Variants in ARAP1 observed in about 807,000 individuals in gnomAD.
The protein encoded by ARAP1 is arf-GAP with Rho-GAP domain, ANK repeat and PH domain-containing protein 1.
ARAP1 carries 76 observed loss-of-function variants against 172.2 expected under a neutral mutation model. The observed-to-expected ratio is 0.44, with a 90% CI of 0.37 to 0.53. The LOEUF (loss-of-function observed/expected upper bound fraction) is 0.53, where lower values mean the gene tolerates loss of function less well. ARAP1 is among the 20% of genes least tolerant of loss of function. The probability of loss-of-function intolerance (pLI) is 0.00; values close to 1 mark genes in which losing one functional copy is unlikely to be tolerated. For synonymous variants in ARAP1, 804 were observed against 803.3 expected (o/e 1.00, Z -0.01); for missense variants, 1,686 against 1,977.5 (o/e 0.85, Z 2.80).
At chr11:72,698,921 G>A (rs955904996) in intron 18 of ARAP1, 84 bp downstream of exon 18, 4 of 1,381,758 alleles carry the variant, frequency 2.9e-6, no homozygotes, top group Non-Finnish European at 4.1e-6. Flanking sequence ...CTAGACGGGG[G>A]AGCTGGGATA....
Position 72,726,574 on chromosome 11 carries a change from G to A in ARAP1, c.509+46C>T, listed in dbSNP as rs1022830643. 1.6e-5 allele frequency: 24 copies of A among 1,455,504 alleles called. No homozygotes were observed. Among genetic ancestry groups the A allele is most frequent in the Middle Eastern group, 5.0e-4 (2 of 3,974 alleles). 90.2% of individuals were successfully genotyped at this position (1,455,504 alleles called of 1,614,324 possible). On this transcript the variant is annotated intron_variant, in intron 3 of 34. Transcript: ENST00000393609. This position sits in a 1 kb window ranked among gnomAD's most constrained non-coding sequence, Gnocchi z 6.5. ...CCACAAACTCCCCATCTACCCTCTGGGATCCTCTGCCTGTGCGCCTCCCAC... is the reference window on the plus strand; with the variant it reads ...CCACAAACTCCCCATCTACCCTCTGAGATCCTCTGCCTGTGCGCCTCCCAC...
chr11:72,705,688 G>T (rs728847), intron 13 of ARAP1, 117 bp downstream of exon 13: 350,493 of 1,080,956 alleles, frequency 0.32, 59,130 homozygotes, highest in Non-Finnish European at 0.34. Flanking sequence ...TATCACAAAG[G>T]GTCTCTTCCA....
intron 12 of ARAP1, among the ~76,000 whole-genome samples, chr11:72,706,514 G>A (rs555358899): frequency 1.3e-4 from 20 of 152,326 alleles, no homozygotes; most frequent in African/African-American, 3.4e-4. Flanking sequence ...GAGTGGCCTC[G>A]ATTGAGCAGA....
At position 72,705,904 on chromosome 11, in the gene ARAP1, G is replaced by C. The variant is rs780634081; in HGVS notation, c.1724-14C>G. 1 of 1,613,214 alleles carries C rather than the reference G, an allele frequency of 6.2e-7. No individual in the cohort carries two copies. The highest frequency in any genetic ancestry group is 8.5e-7 in the Non-Finnish European group (1 of 1,179,608). ...CACGGTGCTCCCCTGTAGACACAGG[G>C]CCAGACCCAGAATCACCTGGGCCCC... On this transcript the variant is annotated splice_polypyrimidine_tract_variant and intron_variant, in intron 12 of 34. Transcript: ENST00000393609.
chr11:72,717,911 G>T lies in ARAP1; in HGVS notation c.510-3590C>A, dbSNP rs897919801. 5.3e-5 allele frequency among the ~76,000 whole-genome samples: 8 copies of T among 152,296 alleles called. No individual in the cohort carries two copies. In the East Asian group the frequency reaches 1.5e-3, roughly 29 times the overall value. ...AAATGAGGCCATGCCAGGGTCCCAG[G>T]GCTCCTCTGAGGCCAGCCTCCTCCC... On this transcript the variant is annotated intron_variant, in intron 3 of 34. Transcript: ENST00000393609.
chr11:72,712,753 A>C, intron 5 of ARAP1, 185 bp from the exon 6 acceptor site: 1 of 977,274 alleles, frequency 1.0e-6, no homozygotes, highest in Non-Finnish European at 1.5e-6. Flanking sequence ...TCACAGGGAC[A>C]GGAGAGCCAG....
intron 33 of ARAP1, 63 bp downstream of exon 33, chr11:72,687,376 C>T: frequency 1.3e-6 from 2 of 1,595,260 alleles, no homozygotes; most frequent in Non-Finnish European, 1.7e-6. Context: ...AGCCAATGTC[C>T]CCATTCTCCA....
Position 72,695,552 on chromosome 11 carries a change from C to A in ARAP1, c.3497G>T (p.Ser1166Ile), listed in dbSNP as rs1856149668. Residue 1166 changes from serine (S) to isoleucine (I), a missense_variant, in exon 25 of 35, where the codon AGT becomes ATT. By Grantham distance (142) the Ser-to-Ile change is moderately radical (BLOSUM62 -2). Around this residue, in one of 5 missense-constraint regions of ARAP1, gnomAD observed 379 missense variants for 500.1 expected, o/e 0.76. Coordinates refer to ENST00000393609, the MANE Select transcript of ARAP1 (RefSeq NM_001040118.3). The surrounding 1 kb of genome is among the most constrained non-coding windows in gnomAD (Gnocchi z 4.4). ...IVKMRVAGTA[S>I]GTQHAGDFIC... Reference sequence around the variant, plus strand: ...GGCTCCAGCCTTCACCTGGGTCCCACTGGCAGTGCCAGCCACGCGCATCTT... The same window carrying A: ...GGCTCCAGCCTTCACCTGGGTCCCAATGGCAGTGCCAGCCACGCGCATCTT... 1 of 1,613,996 alleles carries A rather than the reference C, an allele frequency of 6.2e-7. No individual in the cohort carries two copies.
intron 1 of ARAP1, among the ~76,000 whole-genome samples, chr11:72,737,959 A>T (rs1858082313): frequency 6.6e-6 from 1 of 152,188 alleles, no homozygotes; most frequent in South Asian, 2.1e-4. Flanking sequence ...AAGGCCTGTG[A>T]TTCTTCTCTA....
rs1856001311 is a variant in ARAP1 at position 72,692,861 on chromosome 11, G to A, written c.3955-76C>T. 1.9e-6 allele frequency: 3 copies of A among 1,585,220 alleles called. No individual in the cohort carries two copies. In the Admixed American group the frequency reaches 5.0e-5, roughly 27 times the overall value. On this transcript the variant is annotated intron_variant, in intron 29 of 34. Transcript: ENST00000393609. ...GGACAGCATGTGCAGTGATGTGTGG[G>A]GTTGGGGTGTGTGTATGGCATGTAT...
At chr11:72,711,839 GC>G (rs1857026714) in intron 7 of ARAP1, among the ~76,000 whole-genome samples, 1 of 151,962 alleles carries the variant, frequency 6.6e-6, no homozygotes, top group Non-Finnish European at 1.5e-5. Flanking sequence ...AAAACTACAG[GC>G]ATGAGCCACT....
At position 72,695,261 on chromosome 11, in the gene ARAP1, C is replaced by G. The variant is rs917884104; in HGVS notation, c.3576+126G>C. 1.4e-6 allele frequency: 2 copies of G among 1,382,470 alleles called. No homozygotes were observed. Among genetic ancestry groups the G allele is most frequent in the East Asian group, 4.6e-5 (2 of 43,160 alleles). 85.6% of individuals were successfully genotyped at this position (1,382,470 alleles called of 1,614,324 possible). A position where few individuals can be genotyped will look rare whatever the true frequency, so the allele number is the denominator to read the frequency against. On this transcript the variant is annotated intron_variant, in intron 26 of 34. Transcript: ENST00000393609. The surrounding 1 kb of genome is among the most constrained non-coding windows in gnomAD (Gnocchi z 4.4). ...GGTCCTTAGGAGCAGACCCCAGCAC[C>G]AGCCAGATACAGGTCCCAAACTGGT...
intron 4 of ARAP1, among the ~76,000 whole-genome samples, chr11:72,713,715 C>G (rs929225454): frequency 6.6e-6 from 1 of 151,898 alleles, no homozygotes; most frequent in East Asian, 1.9e-4. Flanking sequence ...GGTATGGTGG[C>G]GGGCGCCTGT....
rs1856009979 is a variant in ARAP1, at chr11:72,693,091, G to A, written c.3954+234C>T. The A allele has an allele frequency of 6.1e-6, 4 of 658,624 alleles. No homozygotes were observed. Among genetic ancestry groups the A allele is most frequent in the South Asian group, 1.9e-5 (1 of 52,202 alleles). The allele number at this position is 658,624 out of a possible 1,614,324, so 40.8% of individuals were successfully genotyped here. A position where few individuals can be genotyped will look rare whatever the true frequency, so the allele number is the denominator to read the frequency against. On this transcript the variant is annotated intron_variant, in intron 29 of 34. Transcript: ENST00000393609. The surrounding 1 kb of genome is among the most constrained non-coding windows in gnomAD (Gnocchi z 4.6). ...CACAGTGAGACAGAGCATGGGCATG[G>A]AGTGGTGTGATGGCATCCGGGTGCC... is the stretch of plus-strand genomic sequence containing the variant.
At chr11:72,704,424 G>C in intron 13 of ARAP1, 90 bp from the exon 14 acceptor site, 1 of 1,372,338 alleles carries the variant, frequency 7.3e-7, no homozygotes, top group Non-Finnish European at 9.7e-7. Context: ...GTTAGGAAAG[G>C]GGCTGGGAGA....
Position 72,692,782 on chromosome 11 carries a change from G to A in ARAP1, c.3958C>T (p.Gln1320Ter), listed in dbSNP as rs1408062058. 6.2e-7 allele frequency: 1 copy of A among 1,613,628 alleles called. No individual in the cohort carries two copies. The highest frequency in any genetic ancestry group is 1.7e-5 in the Admixed American group (1 of 60,028). The part of the protein sequence containing the change: ...CLRLYKEVRS[Q>*]RPWSGAPETS... ...TCAGGGGCCCCGCTCCACGGCCTCT[G>A]GCTCTGTTTGATAGAGGATCAGGGT... Residue 1320 changes from glutamine to a stop codon, truncating the protein, a stop_gained, in exon 30 of 35, where the codon CAG (glutamine) becomes TAG (stop). Coordinates refer to ENST00000393609, the MANE Select transcript of ARAP1 (RefSeq NM_001040118.3). LOFTEE classifies it high-confidence loss of function.
At chr11:72,713,030 C>T (rs1000208604) in intron 5 of ARAP1, 146 bp downstream of exon 5, 23 of 858,824 alleles carry the variant, frequency 2.7e-5, no homozygotes, top group Admixed American at 7.2e-5. Context: ...TCCTGACCCC[C>T]GTATGGCAAG....
chr11:72,731,899 C>T (rs1460867067), intron 2 of ARAP1, among the ~76,000 whole-genome samples: 1 of 151,920 alleles, frequency 6.6e-6, no homozygotes, highest in African/African-American at 2.4e-5. Context: ...CCAGCAGATT[C>T]TAAAGTTCAT....
At chr11:72,708,855 G>A (rs766675273) in intron 11 of ARAP1, among the ~76,000 whole-genome samples, 2 of 152,158 alleles carry the variant, frequency 1.3e-5, no homozygotes, top group African/African-American at 2.4e-5. Context: ...TGACCAACAC[G>A]GCAAAACCCT....
Sources: allele counts gnomAD v4.1 joint callset (sites outside exome capture counted in the v4.1 genomes callset), GRCh38; gene constraint gnomAD v4.1.1; regional missense constraint gnomAD v4.1.1; non-coding constraint Gnocchi (gnomAD v3.1); transcripts MANE v1.5; gene names NCBI Gene and HGNC (gene_info 2026-07-23, HGNC 2026-07-21).